NDUFV3: variants seen among roughly 807,000 people sequenced by gnomAD.
NDUFV3 encodes NADH:ubiquinone oxidoreductase subunit V3, also known as NADH dehydrogenase [ubiquinone] flavoprotein 3, mitochondrial.
Under a neutral mutation model 37.5 loss-of-function variants are expected in NDUFV3, and 44 were observed. That is an observed-to-expected ratio of 1.17 (90% CI 0.92 to 1.51). NDUFV3 has a LOEUF of 1.51. NDUFV3 is among the 40% of genes most tolerant of loss of function. NDUFV3 has a pLI of 0.00. For missense variants in NDUFV3, 580 were observed against 580.4 expected, an observed-to-expected ratio of 1.00 and a Z score of 0.01; for synonymous variants, 235 against 239.3, an observed-to-expected ratio of 0.98 and a Z score of 0.17.
Position 42,903,302 on chromosome 21 carries a change from C to G in NDUFV3, c.290C>G (p.Ala97Gly), listed in dbSNP as rs35064727. The G allele has an allele frequency of 4.3e-6, 7 of 1,614,164 alleles. No homozygotes were observed. In the South Asian group the frequency reaches 6.6e-5, roughly 15 times the overall value. The change falls in exon 3 of 4, where the codon GCT (alanine) becomes GGT (glycine). Residue 97 changes from alanine (A) to glycine (G), a missense_variant. Physicochemically the swap from Ala to Gly is moderately conservative, Grantham distance 60. Transcript: ENST00000354250. ...PPAVNKGRKV[A>G]SPSPSGSVLF... Reference sequence around the variant, plus strand: ...GCTGTGAATAAGGGCAGGAAGGTAGCTAGTCCCAGTCCCAGTGGCAGCGTG... The same window carrying G: ...GCTGTGAATAAGGGCAGGAAGGTAGGTAGTCCCAGTCCCAGTGGCAGCGTG...
chr21:42,908,213 A>G (rs1292335339), intron 3 of NDUFV3, among the ~76,000 whole-genome samples: 2 of 152,040 alleles, frequency 1.3e-5, no homozygotes, highest in Non-Finnish European at 2.9e-5. Context: ...AGACTGAGGC[A>G]GGAGAATCAC....
At position 42,903,604 on chromosome 21, in the gene NDUFV3, G is replaced by GC. The variant is rs747116346; in HGVS notation, c.598dup (p.Arg200ProfsTer21). 11 of 1,613,860 alleles carry GC rather than the reference G, an allele frequency of 6.8e-6. No individual in the cohort carries two copies. The highest frequency in any genetic ancestry group is 6.8e-6 in the Non-Finnish European group (8 of 1,180,018). ...GGCCTCTCATTCCTTTGAAAACAGA[G>GC]CCCCCCGAGTTACAGTATCAGCAAA... On this transcript the variant is annotated frameshift_variant, in exon 3 of 4. Transcript: ENST00000354250. LOFTEE classifies it high-confidence loss of function.
chr21:42,903,235 G>C lies in NDUFV3; in HGVS notation c.223G>C (p.Glu75Gln), dbSNP rs1349938177. ...GKLLATQTAA[E>Q]LSKNLSSPSS... ...GCTCCTAGCCACCCAGACAGCAGCT[G>C]AATTGTCTAAAAACTTATCTTCACC... The change falls in exon 3 of 4, where the codon GAA becomes CAA. Residue 75 changes from glutamate to glutamine, a missense_variant. Transcript: ENST00000354250. 6.2e-7 allele frequency: 1 copy of C among 1,614,052 alleles called. No homozygotes were observed. The highest frequency in any genetic ancestry group is 1.3e-5 in the African/African-American group (1 of 74,928).
intron 2 of NDUFV3, among the ~76,000 whole-genome samples, chr21:42,898,068 A>G (rs929607698): frequency 1.3e-5 from 2 of 152,308 alleles, no homozygotes; most frequent in Middle Eastern, 3.4e-3. Flanking sequence ...TGAATGTTTG[A>G]AAGTATTTAG....
At chr21:42,893,439 G>C in intron 1 of NDUFV3, 58 bp downstream of exon 1, 1 of 1,525,954 alleles carries the variant, frequency 6.6e-7, no homozygotes. Context: ...TAGGGGATGG[G>C]GTGAGGGGGC....
chr21:42,894,457 T>A (rs1159488712), intron 1 of NDUFV3, among the ~76,000 whole-genome samples: 2 of 41,666 alleles, frequency 4.8e-5, no homozygotes, highest in African/African-American at 3.2e-4. Flanking sequence ...ATATAATATG[T>A]TTATATAAAT....
chr21:42,895,978 G>GTTTTT (rs2058688801), intron 1 of NDUFV3, among the ~76,000 whole-genome samples: 1 of 116,960 alleles, frequency 8.5e-6, no homozygotes, highest in Non-Finnish European at 1.8e-5. Flanking sequence ...CACTTTGGTT[G>GTTTTT]TTTTTCTTTT....
chr21:42,894,489 TTATATAATATATAA>T (rs1212186738), intron 1 of NDUFV3, among the ~76,000 whole-genome samples: 3 of 86,842 alleles, frequency 3.5e-5, no homozygotes, highest in African/African-American at 1.7e-4. Flanking sequence ...ATTTATATAT[TTATATAATATATAA>T]TATATATTTA....
At chr21:42,900,300 G>A (rs1296634040) in intron 2 of NDUFV3, among the ~76,000 whole-genome samples, 1 of 152,030 alleles carries the variant, frequency 6.6e-6, no homozygotes, top group Non-Finnish European at 1.5e-5. Context: ...TCAGGAGTTC[G>A]AGAACAGCCT....
chr21:42,906,424 C>G (rs576256526), intron 3 of NDUFV3, among the ~76,000 whole-genome samples: 2 of 152,230 alleles, frequency 1.3e-5, no homozygotes, highest in Non-Finnish European at 2.9e-5. Context: ...TGTGTTTTCC[C>G]CCCTCTCCGT....
Position 42,908,729 on chromosome 21 carries a change from A to G in NDUFV3, c.1265-135A>G, listed in dbSNP as rs555073346. 289 of 949,900 alleles carry G rather than the reference A, an allele frequency of 3.0e-4. 5 individuals are homozygous for G. Among genetic ancestry groups the G allele is most frequent in the South Asian group, 2.6e-3 (182 of 68,820 alleles). 58.8% of individuals were successfully genotyped at this position (949,900 alleles called of 1,614,324 possible). On this transcript the variant is annotated intron_variant, in intron 3 of 3. Coordinates refer to ENST00000354250, the MANE Select transcript of NDUFV3 (RefSeq NM_021075.4). ...GTAGGTAAGCGCCTGTATGTGAGCCAAGTCATTCATAAAGAGCTGTTCACA... is the reference window on the plus strand; with the variant it reads ...GTAGGTAAGCGCCTGTATGTGAGCCGAGTCATTCATAAAGAGCTGTTCACA...
Position 42,903,438 on chromosome 21 carries a change from T to A in NDUFV3, c.426T>A (p.Arg142=), listed in dbSNP as rs2058726551. 6.2e-7 allele frequency: 1 copy of A among 1,614,092 alleles called. No homozygotes were observed. The highest frequency in any genetic ancestry group is 8.5e-7 in the Non-Finnish European group (1 of 1,180,058). ...FRKQGSDSEA[R]QVGRKVTSPS... is the part of the protein sequence containing the mutation. ...AACAGGGCTCTGATTCAGAAGCTCG[T>A]CAGGTGGGTCGGAAAGTGACGTCGC... The change falls in exon 3 of 4, where the codon CGT becomes CGA. Residue 142 remains arginine, a synonymous_variant. Coordinates refer to ENST00000354250, the MANE Select transcript of NDUFV3 (RefSeq NM_021075.4).
intron 1 of NDUFV3, 104 bp from the exon 2 acceptor site, chr21:42,896,821 TGA>T: frequency 1.7e-6 from 2 of 1,205,704 alleles, no homozygotes; most frequent in Non-Finnish European, 2.3e-6. Flanking sequence ...CCTGGACGAC[TGA>T]GAGAGACCCC....
At chr21:42,904,298 C>G (rs764684031) in intron 3 of NDUFV3, 22 bp downstream of exon 3, 1 of 1,569,952 alleles carries the variant, frequency 6.4e-7, no homozygotes, top group South Asian at 1.2e-5. Context: ...CTCGCGCTCC[C>G]AAGTGCACCC....
At chr21:42,902,361 G>A (rs1467641416) in intron 2 of NDUFV3, among the ~76,000 whole-genome samples, 2 of 152,126 alleles carry the variant, frequency 1.3e-5, no homozygotes, top group African/African-American at 4.8e-5. Context: ...GTTTCTGAAT[G>A]TGCCTTGTTT....
At chr21:42,902,653 G>A (rs888135294) in intron 2 of NDUFV3, among the ~76,000 whole-genome samples, 1 of 152,148 alleles carries the variant, frequency 6.6e-6, no homozygotes, top group Non-Finnish European at 1.5e-5. Context: ...TGAGAGAAGA[G>A]AAACAGTCTC....
In NDUFV3 at chr21:42,903,220, A is replaced by G; in HGVS notation, c.208A>G (p.Thr70Ala). The G allele has an allele frequency of 6.2e-7, 1 of 1,614,190 alleles. No individual in the cohort carries two copies. Among genetic ancestry groups the G allele is most frequent in the Non-Finnish European group, 8.5e-7 (1 of 1,180,038 alleles). ...EPKERGKLLATQTAAELSKNL... is the reference protein window; with the variant it reads ...EPKERGKLLAAQTAAELSKNL... Reference sequence around the variant, plus strand: ...AAAGGAGAGGGGCAAGCTCCTAGCCACCCAGACAGCAGCTGAATTGTCTAA... The same window carrying G: ...AAAGGAGAGGGGCAAGCTCCTAGCCGCCCAGACAGCAGCTGAATTGTCTAA... The change falls in exon 3 of 4, where the codon ACC (threonine) becomes GCC (alanine). Residue 70 changes from threonine (T) to alanine (A), a missense_variant. Physicochemically the swap from Thr to Ala is moderately conservative, Grantham distance 58. Coordinates refer to ENST00000354250, the MANE Select transcript of NDUFV3 (RefSeq NM_021075.4).
chr21:42,895,501 C>T (rs2058686502), intron 1 of NDUFV3, among the ~76,000 whole-genome samples: 1 of 151,526 alleles, frequency 6.6e-6, no homozygotes, highest in Non-Finnish European at 1.5e-5. Flanking sequence ...AATACAAAAA[C>T]ATTAGCCAGG....
chr21:42,899,514 G>A (rs187242998), intron 2 of NDUFV3, among the ~76,000 whole-genome samples: 16 of 151,548 alleles, frequency 1.1e-4, no homozygotes, highest in African/African-American at 3.4e-4. Context: ...GCACGATCTC[G>A]GCTCACTGCA....
Sources: allele counts gnomAD v4.1 joint callset (sites outside exome capture counted in the v4.1 genomes callset), GRCh38; gene constraint gnomAD v4.1.1; transcripts MANE v1.5; gene names NCBI Gene and HGNC (gene_info 2026-07-23, HGNC 2026-07-21).